Variants in CLCN5 observed in about 807,000 individuals in gnomAD.
CLCN5 encodes H(+)/Cl(-) exchange transporter 5.
CLCN5 carries 17 observed loss-of-function variants against 54.0 expected under a neutral mutation model. The observed-to-expected ratio is 0.31, with a 90% confidence interval of 0.22 to 0.47. The LOEUF is 0.47. CLCN5 is among the 20% of genes least tolerant of loss of function. CLCN5 has a pLI of 1.00. For missense variants in CLCN5, 448 were observed against 646.7 expected (o/e 0.69, Z 3.33); for synonymous variants, 222 against 233.0 (o/e 0.95, Z 0.43).
At chrX:50,058,524 G>A (rs186280695) in intron 4 of CLCN5, among the ~76,000 whole-genome samples, 112 of 111,207 alleles carry the variant, frequency 1.0e-3, no homozygotes, top group Non-Finnish European at 1.6e-3. Flanking sequence ...TGAGAACTGA[G>A]TTAAATACAT....
chrX:50,060,701 G>A (rs1218031324), intron 4 of CLCN5, among the ~76,000 whole-genome samples: 2 of 112,256 alleles, frequency 1.8e-5, no homozygotes, highest in African/African-American at 6.5e-5. Context: ...ACCTTTGGGG[G>A]CAGGGCACAG....
At chrX:49,932,586 A>G (rs1925717049) in intron 3 of CLCN5, among the ~76,000 whole-genome samples, 1 of 111,480 alleles carries the variant, frequency 9.0e-6, no homozygotes, top group Non-Finnish European at 1.9e-5. Context: ...AGAGCAAAAG[A>G]GAAGAAACCA....
At chrX:49,941,476 A>G (rs1206881818) in intron 3 of CLCN5, among the ~76,000 whole-genome samples, 1 of 111,597 alleles carries the variant, frequency 9.0e-6, no homozygotes, top group East Asian at 2.8e-4. Context: ...CTTTGATCAC[A>G]TACAAAGTCC....
intron 4 of CLCN5, among the ~76,000 whole-genome samples, chrX:50,062,948 C>G (rs1281658681): frequency 9.1e-6 from 1 of 109,612 alleles, no homozygotes; most frequent in Non-Finnish European, 1.9e-5. Context: ...TAAAGATGTT[C>G]TTTGAAACCA....
chrX:50,070,373 A>G lies in CLCN5; in HGVS notation c.315+343A>G, dbSNP rs782469034. Among the ~76,000 whole-genome samples the G allele has an allele frequency of 2.7e-5, 3 of 112,139 alleles. No homozygotes were observed. The Admixed American group carries it at 2.8e-4, about 11-fold the overall frequency. On this transcript the variant is annotated intron_variant, in intron 5 of 14. Coordinates refer to ENST00000376091, the MANE Select transcript of CLCN5 (RefSeq NM_001127898.4). ...GTAAATAGTCGCAAAGGATCCTCACAGCTAAAAGGGATATAAATGCCTCTG... is the reference window on the plus strand; with the variant it reads ...GTAAATAGTCGCAAAGGATCCTCACGGCTAAAAGGGATATAAATGCCTCTG...
At chrX:50,085,268 A>G (rs1231576348) in intron 9 of CLCN5, among the ~76,000 whole-genome samples, 2 of 111,858 alleles carry the variant, frequency 1.8e-5, no homozygotes, top group Admixed American at 9.4e-5. Context: ...TGTCATGTAC[A>G]TTTTACATGT....
At chrX:49,928,661 C>T (rs1423252948) in intron 3 of CLCN5, among the ~76,000 whole-genome samples, 2 of 111,857 alleles carry the variant, frequency 1.8e-5, no homozygotes, top group African/African-American at 6.5e-5. Flanking sequence ...CGCGGTGGCT[C>T]ACGCCTGTAA....
rs781792158 is a variant in CLCN5, at chrX:50,067,630, C to T, written c.164-2249C>T. The T allele has an allele frequency of 4.0e-4, 301 of 750,635 alleles. 1 individual carries two copies. The highest frequency in any genetic ancestry group is 4.5e-4 in the Non-Finnish European group (286 of 637,408). 61.9% of individuals were successfully genotyped at this position (750,635 alleles called of 1,213,427 possible). A position where few individuals can be genotyped will look rare whatever the true frequency, so the allele number is the denominator to read the frequency against. On this transcript the variant is annotated intron_variant, in intron 4 of 14. Coordinates refer to ENST00000376091, the MANE Select transcript of CLCN5 (RefSeq NM_001127898.4). Reference sequence around the variant, plus strand: ...TTGTTGCTGTGAAAGGCAGAGAATGCAGCAAGTGCCCTTCTAAAGCACTTC... The same window carrying T: ...TTGTTGCTGTGAAAGGCAGAGAATGTAGCAAGTGCCCTTCTAAAGCACTTC...
rs1934067729 is a variant in CLCN5 at position 50,090,748 on chromosome X, C to T, written c.2222C>T (p.Pro741Leu). 1 of 1,210,702 alleles carries T rather than the reference C, an allele frequency of 8.3e-7. No individual in the cohort carries two copies. Residue 741 changes from proline to leucine, a missense_variant, in exon 14 of 15, where the codon CCA (proline) becomes CTA (leucine). Coordinates refer to ENST00000376091, the MANE Select transcript of CLCN5 (RefSeq NM_001127898.4). The stretch of plus-strand genomic sequence containing the variant: ...ACGGAGCATTCTCCTCCATTGCCAC[C>T]ATACACTCCACCCACTCTAAAGCTT... Reference protein sequence around the residue: ...YFTEHSPPLPPYTPPTLKLRN... With the variant: ...YFTEHSPPLPLYTPPTLKLRN...
Position 50,090,377 on chromosome X carries a change from C to T in CLCN5, c.2006C>T (p.Thr669Ile). 2 of 1,210,954 alleles carry T rather than the reference C, an allele frequency of 1.7e-6. No individual in the cohort carries two copies. The highest frequency in any genetic ancestry group is 2.3e-4 in the Middle Eastern group (1 of 4,353). Residue 669 changes from threonine to isoleucine, a missense_variant, in exon 13 of 15, where the codon ACT becomes ATT. Physicochemically the swap from Thr to Ile is moderately conservative, Grantham distance 89. Coordinates refer to ENST00000376091, the MANE Select transcript of CLCN5 (RefSeq NM_001127898.4). The stretch of plus-strand genomic sequence containing the variant: ...AATGATCCTTTGTTGACTGTCCTTA[C>T]TCAGGACAGTATGACTGTGGAAGAT... ...RRNDPLLTVL[T>I]QDSMTVEDVE...
intron 3 of CLCN5, among the ~76,000 whole-genome samples, chrX:49,942,348 G>A (rs1352551056): frequency 4.7e-5 from 5 of 106,714 alleles, no homozygotes; most frequent in Non-Finnish European, 7.7e-5. Flanking sequence ...AGCTAATAAA[G>A]GCTTGTCTTG....
rs781902929 is a variant in CLCN5 at position 50,072,574 on chromosome X, T to C, written c.401T>C (p.Ile134Thr). The C allele has an allele frequency of 1.8e-5, 22 of 1,197,036 alleles. No individual in the cohort carries two copies. The highest frequency in any genetic ancestry group is 1.7e-5 in the Non-Finnish European group (15 of 883,719). The change falls in exon 6 of 15, where the codon ATT (isoleucine) becomes ACT (threonine). Residue 134 changes from isoleucine to threonine, a missense_variant. Transcript: ENST00000376091. ...AFSGWLLMLL[I>T]GLLSGSLAGL... is the part of the protein sequence containing the mutation. Reference sequence around the variant, plus strand: ...TCCGGCTGGTTGTTGATGCTCCTTATTGGGCTTTTATCAGGTATGGTAAAC... The same window carrying C: ...TCCGGCTGGTTGTTGATGCTCCTTACTGGGCTTTTATCAGGTATGGTAAAC...
chrX:49,971,262 A>T (rs1261269309), intron 3 of CLCN5, among the ~76,000 whole-genome samples: 2 of 103,609 alleles, frequency 1.9e-5, no homozygotes, highest in African/African-American at 6.9e-5. Flanking sequence ...ATTTATATAT[A>T]TTTTTATATA....
At chrX:49,995,781 A>T (rs1182504840) in intron 3 of CLCN5, among the ~76,000 whole-genome samples, 2 of 111,932 alleles carry the variant, frequency 1.8e-5, no homozygotes, top group Non-Finnish European at 3.8e-5. Context: ...CTTGAGCAAT[A>T]AAGTAAAATT....
intron 3 of CLCN5, among the ~76,000 whole-genome samples, chrX:49,926,461 G>GTACAAATTTGCCA (rs1925346967): frequency 8.9e-6 from 1 of 112,511 alleles, no homozygotes; most frequent in Non-Finnish European, 1.9e-5. Context: ...TGTTGAATAA[G>GTACAAATTTGCCA]TGTTAGAATA....
chrX:50,078,213 T>C (rs1283403580), intron 7 of CLCN5, among the ~76,000 whole-genome samples: 1 of 109,916 alleles, frequency 9.1e-6, no homozygotes, highest in Non-Finnish European at 1.9e-5. Flanking sequence ...CAACCACCTA[T>C]AGTCCCAGCT....
At chrX:49,954,386 A>G (rs1557173674) in intron 3 of CLCN5, among the ~76,000 whole-genome samples, 1 of 110,058 alleles carries the variant, frequency 9.1e-6, no homozygotes, top group African/African-American at 3.3e-5. Context: ...TCGCTAATGT[A>G]TTTTATGTCT....
intron 3 of CLCN5, among the ~76,000 whole-genome samples, chrX:50,007,417 C>T (rs929929117): frequency 3.2e-5 from 3 of 93,212 alleles, no homozygotes; most frequent in African/African-American, 1.7e-4. Flanking sequence ...CTCTCTCTCT[C>T]TCTCTCTCTC....
rs782169074 is a variant in CLCN5 at position 49,934,204 on chromosome X, C to T, written c.16+8890C>T. Among the ~76,000 whole-genome samples, 7 of 111,858 alleles carry T rather than the reference C, an allele frequency of 6.3e-5. No homozygotes were observed. The East Asian group carries it at 1.7e-3, about 27-fold the overall frequency. The stretch of plus-strand genomic sequence containing the variant: ...ACTATGCTTTACTGCTACCGTGAAA[C>T]GTTTAGTTTTTTTTCTCCCCTCAAA... On this transcript the variant is annotated intron_variant, in intron 3 of 14. Coordinates refer to ENST00000376091, the MANE Select transcript of CLCN5 (RefSeq NM_001127898.4).
Sources: allele counts gnomAD v4.1 joint callset (sites outside exome capture counted in the v4.1 genomes callset), GRCh38; gene constraint gnomAD v4.1.1; transcripts MANE v1.5; gene names NCBI Gene and HGNC (gene_info 2026-07-23, HGNC 2026-07-21).